APP: variants seen among roughly 807,000 people sequenced by gnomAD.
APP encodes the protein amyloid beta precursor protein.
A neutral mutation model predicts 101.4 loss-of-function variants in APP; 31 were observed. The ratio of observed to expected loss-of-function variants is 0.31; its 90% CI spans 0.23 to 0.41. The LOEUF (loss-of-function observed/expected upper bound fraction) is 0.41, where lower values mean the gene tolerates loss of function less well. APP is among the 10% of genes least tolerant of loss of function. APP has a pLI of 1.00. For synonymous variants in APP, 366 were observed against 364.4 expected (o/e 1.00, Z -0.05); for missense variants, 839 against 1,003.7 (o/e 0.84, Z 2.22).
At chr21:26,001,750 C>T (rs1172279774) in intron 6 of APP, among the ~76,000 whole-genome samples, 1 of 135,026 alleles carries the variant, frequency 7.4e-6, no homozygotes, top group Non-Finnish European at 1.5e-5. Flanking sequence ...ACACCTGCCT[C>T]AGCCTCTCTA....
At chr21:26,034,668 AAGAAAAGAAAAAG>A (rs2045016864) in intron 5 of APP, among the ~76,000 whole-genome samples, 1 of 149,926 alleles carries the variant, frequency 6.7e-6, no homozygotes, top group Non-Finnish European at 1.5e-5. Context: ...AAAAGAAAAA[AAGAAAAGAAAAAG>A]AAATCTATTA....
At chr21:25,901,110 C>A (rs1343341377) in intron 15 of APP, among the ~76,000 whole-genome samples, 1 of 151,944 alleles carries the variant, frequency 6.6e-6, no homozygotes, top group Non-Finnish European at 1.5e-5. Flanking sequence ...CCAGCCTAGC[C>A]AATATGGCAA....
intron 7 of APP, among the ~76,000 whole-genome samples, chr21:25,998,969 A>G (rs2043165140): frequency 6.6e-6 from 1 of 152,300 alleles, no homozygotes; most frequent in African/African-American, 2.4e-5. Context: ...AATTATGAAA[A>G]GCTTAATGTT....
At chr21:26,054,446 C>G (rs1295055653) in intron 3 of APP, among the ~76,000 whole-genome samples, 2 of 151,942 alleles carry the variant, frequency 1.3e-5, no homozygotes, top group African/African-American at 4.8e-5. Context: ...TGTGCAAAGA[C>G]AGAGTAAAGA....
chr21:26,113,590 G>A (rs1425138116), intron 1 of APP, among the ~76,000 whole-genome samples: 1 of 152,128 alleles, frequency 6.6e-6, no homozygotes, highest in Non-Finnish European at 1.5e-5. Context: ...CCTTTACATT[G>A]CCAGATGGTT....
intron 1 of APP, among the ~76,000 whole-genome samples, chr21:26,124,901 C>G (rs1330320283): frequency 6.6e-6 from 1 of 152,160 alleles, no homozygotes; most frequent in African/African-American, 2.4e-5. Flanking sequence ...TGGGGTAACC[C>G]GAAAACATTC....
chr21:26,146,192 C>A (rs532496172), intron 1 of APP, among the ~76,000 whole-genome samples: 2 of 152,270 alleles, frequency 1.3e-5, no homozygotes, highest in African/African-American at 4.8e-5. Context: ...AAAAATGAGC[C>A]AGGCGTGGTG....
chr21:25,950,484 G>A (rs867207188), intron 13 of APP, among the ~76,000 whole-genome samples: 4 of 133,658 alleles, frequency 3.0e-5, no homozygotes, highest in Non-Finnish European at 4.8e-5. Context: ...GAGTTCAAGT[G>A]ATTCTCCTGC....
At chr21:25,946,073 A>T (rs2040807900) in intron 13 of APP, 1 of 310,738 alleles carries the variant, frequency 3.2e-6, no homozygotes, top group Admixed American at 4.7e-5. Context: ...CATATATGAA[A>T]ATTAAAATGA....
At chr21:26,116,011 T>G (rs1288519512) in intron 1 of APP, among the ~76,000 whole-genome samples, 1 of 152,246 alleles carries the variant, frequency 6.6e-6, no homozygotes, top group East Asian at 1.9e-4. Flanking sequence ...ACTGGCCGTT[T>G]GTGGTCTATG....
At chr21:26,116,964 C>G (rs1480838126) in intron 1 of APP, among the ~76,000 whole-genome samples, 1 of 152,082 alleles carries the variant, frequency 6.6e-6, no homozygotes, top group Non-Finnish European at 1.5e-5. Flanking sequence ...TCACTGCAAC[C>G]TCTCCGCCTC....
At chr21:25,974,453 AG>A (rs1275622238) in intron 11 of APP, among the ~76,000 whole-genome samples, 1 of 152,198 alleles carries the variant, frequency 6.6e-6, no homozygotes, top group Non-Finnish European at 1.5e-5. Context: ...GATTGACATT[AG>A]TACCCTTATA....
At chr21:26,168,790 C>A (rs926068230) in intron 1 of APP, among the ~76,000 whole-genome samples, 2 of 152,160 alleles carry the variant, frequency 1.3e-5, no homozygotes, top group Non-Finnish European at 2.9e-5. Context: ...AAACGAAATT[C>A]TTTAACTCTT....
intron 1 of APP, among the ~76,000 whole-genome samples, chr21:26,147,629 CTCAA>C (rs911966652): frequency 6.6e-5 from 10 of 152,150 alleles, no homozygotes; most frequent in African/African-American, 9.6e-5. Flanking sequence ...TTTTAAATGG[CTCAA>C]TCAATTTATT....
intron 1 of APP, among the ~76,000 whole-genome samples, chr21:26,166,527 C>T (rs533682269): frequency 6.6e-6 from 1 of 152,006 alleles, no homozygotes; most frequent in Admixed American, 6.6e-5. Flanking sequence ...CTCATCGGAA[C>T]ATTTATACTA....
chr21:25,909,612 C>T (rs148451890), intron 14 of APP, among the ~76,000 whole-genome samples: 4 of 152,268 alleles, frequency 2.6e-5, no homozygotes, highest in East Asian at 1.9e-4. Context: ...CACGTGTGCA[C>T]GCAGATTTTC....
At chr21:25,932,826 C>T (rs1385826226) in intron 13 of APP, among the ~76,000 whole-genome samples, 1 of 151,924 alleles carries the variant, frequency 6.6e-6, no homozygotes, top group Admixed American at 6.6e-5. Context: ...TCTTCTTACA[C>T]AATCAGATTT....
At chr21:26,043,323 C>T (rs2045460949) in intron 5 of APP, among the ~76,000 whole-genome samples, 1 of 152,236 alleles carries the variant, frequency 6.6e-6, no homozygotes, top group Non-Finnish European at 1.5e-5. Context: ...GCAACCTCCA[C>T]CTCCTGGGTT....
intron 4 of APP, 135 bp downstream of exon 4, chr21:26,053,101 C>T (rs535570720): frequency 2.9e-5 from 22 of 757,608 alleles, no homozygotes; most frequent in East Asian, 5.1e-5. Flanking sequence ...ATCTGGGTTA[C>T]GGATAGTAGC....
Sources: gnomAD v4.1 joint callset for allele counts (sites outside exome capture counted in the v4.1 genomes callset) on GRCh38, gnomAD v4.1.1 for gene constraint, MANE v1.5 for transcripts, NCBI Gene and HGNC (gene_info 2026-07-23, HGNC 2026-07-21) for gene names.